P2RX7: variants seen among roughly 807,000 people sequenced by gnomAD.
P2RX7 encodes P2X purinoceptor 7.
In P2RX7, 62 loss-of-function variants were observed where a neutral mutation model predicts 71.6. The observed-to-expected ratio is 0.87, with a 90% CI of 0.71 to 1.07. The LOEUF (loss-of-function observed/expected upper bound fraction) is 1.07, where lower values mean the gene tolerates loss of function less well. Among genes scored for constraint, P2RX7 ranks in the 50% least tolerant of loss-of-function variants. P2RX7 has a pLI of 0.00. For synonymous variants in P2RX7, 299 were observed against 283.3 expected, an observed-to-expected ratio of 1.06 and a Z score of -0.56; for missense variants, 686 against 748.5, an observed-to-expected ratio of 0.92 and a Z score of 0.97.
In P2RX7 at chr12:121,175,300, G is replaced by C. The variant is rs534491718; in HGVS notation, c.882-88G>C. The C allele has an allele frequency of 4.8e-6, 3 of 618,710 alleles. No homozygotes were observed. The East Asian group carries it at 8.2e-5, about 17-fold the overall frequency. The allele number at this position is 618,710 out of a possible 1,614,324, so 38.3% of individuals were successfully genotyped here. Reference sequence around the variant, plus strand: ...CACTCCAGCCTGGGTGACAGCGTGAGACCCTGTCTCAAAAAAAAAAAAAAA... The same window carrying C: ...CACTCCAGCCTGGGTGACAGCGTGACACCCTGTCTCAAAAAAAAAAAAAAA... On this transcript the variant is annotated intron_variant, in intron 8 of 12. Transcript: ENST00000328963.
intron 1 of P2RX7, among the ~76,000 whole-genome samples, chr12:121,153,542 G>T (rs531272788): frequency 6.6e-6 from 1 of 152,132 alleles, no homozygotes; most frequent in African/African-American, 2.4e-5. Flanking sequence ...GCAAAGTGTG[G>T]TGGTACGCGC....
intron 9 of P2RX7, 120 bp from the exon 10 acceptor site, chr12:121,177,027 C>A (rs79771730): frequency 1.3e-6 from 1 of 789,852 alleles, no homozygotes; most frequent in Non-Finnish European, 2.1e-6. Context: ...AGCACTTGAA[C>A]GCATCTATCC....
intron 1 of P2RX7, among the ~76,000 whole-genome samples, chr12:121,145,733 C>T (rs1310204719): frequency 1.3e-5 from 2 of 151,992 alleles, no homozygotes; most frequent in South Asian, 2.1e-4. Context: ...GTCTCAAACT[C>T]CTGACCTCTT....
intron 1 of P2RX7, among the ~76,000 whole-genome samples, chr12:121,153,391 T>G (rs1030105699): frequency 6.6e-6 from 1 of 152,066 alleles, no homozygotes; most frequent in Non-Finnish European, 1.5e-5. Flanking sequence ...AAACAAACCC[T>G]TTAGGGCTGG....
rs371327725 is a variant in P2RX7, at chr12:121,136,626, A to G, written c.125+3531A>G. Among the ~76,000 whole-genome samples the G allele has an allele frequency of 4.4e-4, 65 of 147,902 alleles. 2 individuals are homozygous for G. In the South Asian group the frequency reaches 0.012, roughly 28 times the overall value. On this transcript the variant is annotated intron_variant, in intron 1 of 12. Coordinates refer to ENST00000328963, the MANE Select transcript of P2RX7 (RefSeq NM_002562.6). ...CATGAGCCACTTTGTCTGGCCTACA[A>G]TTCCTTTTCTTTCTTTCTTTCTTTT...
intron 5 of P2RX7, among the ~76,000 whole-genome samples, chr12:121,163,569 G>A (rs5013317): frequency 3.9e-4 from 38 of 96,574 alleles, no homozygotes; most frequent in East Asian, 1.6e-3. Flanking sequence ...TAGATAGATA[G>A]ATAAATAGAT....
intron 10 of P2RX7, 36 bp downstream of exon 10, chr12:121,177,248 G>C (rs1416732099): frequency 6.8e-6 from 11 of 1,614,176 alleles, no homozygotes; most frequent in Non-Finnish European, 8.5e-6. Context: ...TAGGAAAATG[G>C]TTTGGAGAAG....
intron 11 of P2RX7, among the ~76,000 whole-genome samples, chr12:121,178,557 C>G (rs777864704): frequency 6.6e-6 from 1 of 152,072 alleles, no homozygotes; most frequent in Non-Finnish European, 1.5e-5. Flanking sequence ...TTTGGGAGGC[C>G]GAGGCAGGCA....
intron 1 of P2RX7, among the ~76,000 whole-genome samples, chr12:121,142,327 G>A (rs1288657010): frequency 6.6e-6 from 1 of 152,136 alleles, no homozygotes; most frequent in African/African-American, 2.4e-5. Flanking sequence ...GCTCCTCACT[G>A]GCTGTCAGCC....
intron 1 of P2RX7, among the ~76,000 whole-genome samples, chr12:121,136,895 C>T (rs533929238): frequency 9.4e-5 from 14 of 149,590 alleles, no homozygotes; most frequent in African/African-American, 3.0e-4. Context: ...GCAATCCACC[C>T]GCCTTGGCCT....
intron 9 of P2RX7, 120 bp downstream of exon 9, chr12:121,175,598 C>T (rs1056822559): frequency 3.6e-5 from 23 of 642,534 alleles, no homozygotes; most frequent in Admixed American, 4.8e-5. Context: ...CTGGGCATTT[C>T]GCACATGGGA....
chr12:121,170,699 G>A (rs1330659086), intron 8 of P2RX7, among the ~76,000 whole-genome samples: 10 of 152,128 alleles, frequency 6.6e-5, no homozygotes, highest in South Asian at 4.1e-4. Context: ...GCTTGAACCC[G>A]GAAGGTGGAG....
chr12:121,152,073 C>T (rs1039550221), intron 1 of P2RX7, among the ~76,000 whole-genome samples: 1 of 151,592 alleles, frequency 6.6e-6, no homozygotes, highest in Non-Finnish European at 1.5e-5. Context: ...TCCACCTCCC[C>T]GGTTCAAAGG....
At position 121,184,490 on chromosome 12, in the gene P2RX7, G is replaced by A; in HGVS notation, c.1476G>A (p.Arg492=). The A allele has an allele frequency of 6.2e-7, 1 of 1,614,168 alleles. No individual in the cohort carries two copies. Among genetic ancestry groups the A allele is most frequent in the Non-Finnish European group, 8.5e-7 (1 of 1,180,000 alleles). ...CATCTCAACTCCCTGAGAGCCACAG[G>A]TGCCTGGAGGAGCTGTGCTGCCGGA... ...CLPSQLPESH[R]CLEELCCRKK... The change falls in exon 13 of 13, where the codon AGG becomes AGA. Residue 492 remains arginine, a synonymous_variant. Coordinates refer to ENST00000328963, the MANE Select transcript of P2RX7 (RefSeq NM_002562.6).
chr12:121,177,253 G>A (rs767703750), intron 10 of P2RX7, 41 bp downstream of exon 10: 3 of 1,614,130 alleles, frequency 1.9e-6, no homozygotes, highest in East Asian at 4.5e-5. Context: ...AAATGGTTTG[G>A]AGAAGGAAGT....
intron 8 of P2RX7, among the ~76,000 whole-genome samples, chr12:121,170,203 T>C (rs763302390): frequency 8.5e-5 from 13 of 152,190 alleles, no homozygotes; most frequent in Non-Finnish European, 1.2e-4. Context: ...AATAGGCTTA[T>C]GGCCATTAAG....
intron 1 of P2RX7, among the ~76,000 whole-genome samples, chr12:121,145,477 T>C (rs1033424658): frequency 6.6e-6 from 1 of 151,318 alleles, no homozygotes; most frequent in Non-Finnish European, 1.5e-5. Context: ...CGGAAGTGGA[T>C]GTGATGACTC....
chr12:121,178,656 G>A (rs1327828606), intron 11 of P2RX7, among the ~76,000 whole-genome samples: 1 of 151,992 alleles, frequency 6.6e-6, no homozygotes, highest in Non-Finnish European at 1.5e-5. Context: ...GCCAGGCGTG[G>A]TGGTGCATGC....
chr12:121,162,374 C>T, intron 4 of P2RX7, 50 bp from the exon 5 acceptor site: 3 of 1,608,254 alleles, frequency 1.9e-6, no homozygotes, highest in Non-Finnish European at 1.7e-6. Context: ...AGAACGTCCT[C>T]TCCGCAGTTC....
Sources: allele counts gnomAD v4.1 joint callset (sites outside exome capture counted in the v4.1 genomes callset), GRCh38; gene constraint gnomAD v4.1.1; transcripts MANE v1.5; gene names NCBI Gene and HGNC (gene_info 2026-07-23, HGNC 2026-07-21).